The following FRMD4B variants were observed in gnomAD, a reference collection of about 807,000 sequenced individuals.
The protein encoded by FRMD4B is FERM domain containing 4B.
FRMD4B carries 74 observed loss-of-function variants against 141.5 expected under a neutral mutation model. The observed-to-expected ratio is 0.52, with a 90% CI of 0.43 to 0.63. FRMD4B has a LOEUF of 0.63. FRMD4B is among the 30% of genes least tolerant of loss of function. FRMD4B has a pLI of 0.00. For missense variants in FRMD4B, 1,366 were observed against 1,253.4 expected, an observed-to-expected ratio of 1.09 and a Z score of -1.36; for synonymous variants, 506 against 467.9, an observed-to-expected ratio of 1.08 and a Z score of -1.05.
chr3:69,262,896 A>G (rs1018766322), intron 5 of FRMD4B, among the ~76,000 whole-genome samples: 2 of 152,228 alleles, frequency 1.3e-5, no homozygotes, highest in African/African-American at 4.8e-5. Context: ...CCAGACAATA[A>G]AAGAATACAT....
At chr3:69,341,029 T>A (rs1220847403) in intron 1 of FRMD4B, among the ~76,000 whole-genome samples, 1 of 152,178 alleles carries the variant, frequency 6.6e-6, no homozygotes, top group Non-Finnish European at 1.5e-5. Context: ...GCATATTCAT[T>A]TTATAAAAAT....
intron 7 of FRMD4B, among the ~76,000 whole-genome samples, chr3:69,239,861 G>C (rs770422242): frequency 6.6e-6 from 1 of 152,080 alleles, no homozygotes. Context: ...AGACCAGCCT[G>C]GCCAACATGG....
chr3:69,326,099 C>T (rs1702181714), intron 1 of FRMD4B, among the ~76,000 whole-genome samples: 1 of 151,654 alleles, frequency 6.6e-6, no homozygotes, highest in Non-Finnish European at 1.5e-5. Context: ...CAGGTGCACA[C>T]CATCATGCCT....
intron 11 of FRMD4B, among the ~76,000 whole-genome samples, chr3:69,202,002 G>A (rs566392462): frequency 8.7e-4 from 133 of 152,184 alleles, no homozygotes; most frequent in South Asian, 1.2e-3. Flanking sequence ...TCAGGAGTTC[G>A]GGACCAGCCT....
At chr3:69,363,880 G>A (rs1703553985) in intron 1 of FRMD4B, among the ~76,000 whole-genome samples, 1 of 152,172 alleles carries the variant, frequency 6.6e-6, no homozygotes, top group East Asian at 1.9e-4. Context: ...TTTCAGGACT[G>A]GAGGCAGCCA....
At chr3:69,358,689 C>T (rs568929819) in intron 1 of FRMD4B, among the ~76,000 whole-genome samples, 9 of 152,224 alleles carry the variant, frequency 5.9e-5, no homozygotes, top group African/African-American at 1.7e-4. Context: ...TGAGCCAAGA[C>T]TCTGCCACTA....
At position 69,251,345 on chromosome 3, in the gene FRMD4B, A is replaced by G. The variant is rs73838324; in HGVS notation, c.502-1246T>C. On this transcript the variant is annotated intron_variant, in intron 5 of 22. Coordinates refer to ENST00000398540, the MANE Select transcript of FRMD4B (RefSeq NM_015123.3). ...CAATGGGGAGATTAAGTCTTTTTAA[A>G]GTAAATATACAATAGACAGGTTCAC... 2.1e-3 allele frequency among the ~76,000 whole-genome samples: 317 copies of G among 152,332 alleles called. 1 individual carries two copies. The highest frequency in any genetic ancestry group is 7.4e-3 in the African/African-American group (309 of 41,578).
chr3:69,223,819 ACT>A (rs977630400), intron 8 of FRMD4B, among the ~76,000 whole-genome samples: 1 of 152,140 alleles, frequency 6.6e-6, no homozygotes, highest in Admixed American at 6.5e-5. Flanking sequence ...ACAGAGCAAG[ACT>A]CTGTCTCAAA....
chr3:69,216,497 T>A, intron 10 of FRMD4B, 148 bp from the exon 11 acceptor site: 1 of 566,446 alleles, frequency 1.8e-6, no homozygotes, highest in Non-Finnish European at 3.1e-6. Flanking sequence ...AGTGGCATGA[T>A]CTCGGCTCAC....
At chr3:69,323,405 A>T (rs907897643) in intron 1 of FRMD4B, among the ~76,000 whole-genome samples, 2 of 151,664 alleles carry the variant, frequency 1.3e-5, no homozygotes, top group African/African-American at 4.8e-5. Context: ...CCTCTCTACT[A>T]AAAATACAAA....
chr3:69,314,660 C>T (rs1701745717), intron 1 of FRMD4B, among the ~76,000 whole-genome samples: 1 of 151,716 alleles, frequency 6.6e-6, no homozygotes, highest in South Asian at 2.1e-4. Context: ...CATGGTGAAA[C>T]CCCCTTTCTA....
At chr3:69,326,025 T>C (rs1227802775) in intron 1 of FRMD4B, among the ~76,000 whole-genome samples, 1 of 152,136 alleles carries the variant, frequency 6.6e-6, no homozygotes, top group Non-Finnish European at 1.5e-5. Flanking sequence ...CATAGCTCAC[T>C]GTAGCTTCAG....
At chr3:69,396,662 A>T (rs1200979556) in intron 2 of FRMD4B, among the ~76,000 whole-genome samples, 1 of 152,264 alleles carries the variant, frequency 6.6e-6, no homozygotes, top group Non-Finnish European at 1.5e-5. Flanking sequence ...CACATCCATT[A>T]GAATGGCTAT....
chr3:69,417,214 T>C (rs377066730), intron 2 of FRMD4B, among the ~76,000 whole-genome samples: 49 of 152,322 alleles, frequency 3.2e-4, no homozygotes, highest in Non-Finnish European at 5.7e-4. Flanking sequence ...CCAGCATCTG[T>C]TGTTTCCTGA....
intron 1 of FRMD4B, among the ~76,000 whole-genome samples, chr3:69,354,250 A>T: frequency 6.6e-6 from 1 of 152,214 alleles, no homozygotes; most frequent in Non-Finnish European, 1.5e-5. Context: ...ATTACTATTG[A>T]AGTCATTCAG....
rs112990063 is a variant in FRMD4B at position 69,192,481 on chromosome 3, A to G, written c.1714+1167T>C. ...AATGTCTTAGAATCAAAGAAATACAATCATATTTCAGTCACCAGGCTGAAA... is the reference window on the plus strand; with the variant it reads ...AATGTCTTAGAATCAAAGAAATACAGTCATATTTCAGTCACCAGGCTGAAA... On this transcript the variant is annotated intron_variant, in intron 17 of 22. Coordinates refer to ENST00000398540, the MANE Select transcript of FRMD4B (RefSeq NM_015123.3). Among the ~76,000 whole-genome samples the G allele has an allele frequency of 2.2e-3, 333 of 152,330 alleles. 1 individual carries two copies. Among genetic ancestry groups the G allele is most frequent in the African/African-American group, 7.6e-3 (315 of 41,586 alleles).
intron 1 of FRMD4B, among the ~76,000 whole-genome samples, chr3:69,327,725 T>C (rs1452203026): frequency 3.3e-5 from 5 of 152,228 alleles, no homozygotes; most frequent in East Asian, 1.9e-4. Flanking sequence ...AGAAACATCA[T>C]ATTTGGGTAA....
chr3:69,516,267 G>A (rs1700754531), intron 1 of FRMD4B, among the ~76,000 whole-genome samples: 1 of 152,062 alleles, frequency 6.6e-6, no homozygotes. Context: ...CTTAATTCTG[G>A]AAACTGCAGA....
intron 1 of FRMD4B, among the ~76,000 whole-genome samples, chr3:69,514,769 G>T (rs1700725850): frequency 6.6e-6 from 1 of 152,016 alleles, no homozygotes; most frequent in African/African-American, 2.4e-5. Context: ...ACTTAATACT[G>T]TTAGGATGTC....
Sources: gnomAD v4.1 joint callset for allele counts (sites outside exome capture counted in the v4.1 genomes callset) on GRCh38, gnomAD v4.1.1 for gene constraint, MANE v1.5 for transcripts, NCBI Gene and HGNC (gene_info 2026-07-23, HGNC 2026-07-21) for gene names.